The following KCNK2 variants were observed in gnomAD, a reference collection of about 807,000 sequenced individuals.
KCNK2 encodes potassium two pore domain channel subfamily K member 2.
In KCNK2, 21 loss-of-function variants were observed where a neutral mutation model predicts 40.5. That is an observed-to-expected ratio of 0.52 (90% CI 0.37 to 0.75). The LOEUF is 0.75. KCNK2 is among the 30% of genes least tolerant of loss of function. The pLI is 0.00. For synonymous variants in KCNK2, 191 were observed against 202.2 expected, an observed-to-expected ratio of 0.94 and a Z score of 0.47; for missense variants, 399 against 531.6, an observed-to-expected ratio of 0.75 and a Z score of 2.45.
intron 3 of KCNK2, among the ~76,000 whole-genome samples, chr1:215,160,626 CTT>C (rs1663151735): frequency 2.0e-5 from 3 of 152,134 alleles, no homozygotes; most frequent in Admixed American, 2.0e-4. Flanking sequence ...TCATTCTCTT[CTT>C]TTTTAGCTTG....
At chr1:215,012,374 A>G (rs1656432822) in intron 1 of KCNK2, among the ~76,000 whole-genome samples, 1 of 151,996 alleles carries the variant, frequency 6.6e-6, no homozygotes, top group Non-Finnish European at 1.5e-5. Context: ...GTATAGTGGA[A>G]TCTCACTGTG....
intron 5 of KCNK2, among the ~76,000 whole-genome samples, chr1:215,177,778 A>T (rs1664049726): frequency 1.8e-5 from 2 of 112,616 alleles, no homozygotes; most frequent in African/African-American, 3.3e-5. Flanking sequence ...TGTTTCGGTT[A>T]CTCTACCCTT....
Position 215,007,197 on chromosome 1 carries a change from A to G in KCNK2, c.34+1242A>G, listed in dbSNP as rs1273397645. 7.9e-3 allele frequency among the ~76,000 whole-genome samples: 407 copies of G among 51,612 alleles called. 23 individuals carry two copies. In the South Asian group the frequency reaches 0.13, roughly 17 times the overall value. The allele number at this position is 51,612 out of a possible 152,430, so 33.9% of individuals were successfully genotyped here. ...TGTATGTGTGTGGGTATATATATAT[A>G]TATATATATATATATATATATATAT... On this transcript the variant is annotated intron_variant, in intron 1 of 6. Coordinates refer to the KCNK2 transcript ENST00000391895.
At chr1:215,008,037 C>A (rs933458814) in intron 1 of KCNK2, among the ~76,000 whole-genome samples, 1 of 151,124 alleles carries the variant, frequency 6.6e-6, no homozygotes. Flanking sequence ...CTTTTTCAGG[C>A]TAAAAGCATC....
intron 5 of KCNK2, among the ~76,000 whole-genome samples, chr1:215,191,003 G>C (rs73080072): frequency 1.3e-5 from 2 of 151,288 alleles, no homozygotes; most frequent in Non-Finnish European, 2.9e-5. Context: ...GTCTTCTAGG[G>C]GCCAGGCATG....
At chr1:215,098,865 T>C (rs1221482542) in intron 2 of KCNK2, among the ~76,000 whole-genome samples, 1 of 152,000 alleles carries the variant, frequency 6.6e-6, no homozygotes, top group Non-Finnish European at 1.5e-5. Context: ...ACAGAGCTGT[T>C]TTATTTTTCT....
intron 2 of KCNK2, among the ~76,000 whole-genome samples, chr1:215,118,100 G>C (rs2102572332): frequency 6.6e-6 from 1 of 152,272 alleles, no homozygotes; most frequent in African/African-American, 2.4e-5. Flanking sequence ...GGCTCCACCA[G>C]TGCAGTCTGT....
At chr1:215,081,027 T>A (rs1042880647), upstream of KCNK2, among the ~76,000 whole-genome samples, 1 of 152,156 alleles carries the variant, frequency 6.6e-6, no homozygotes, top group African/African-American at 2.4e-5. Flanking sequence ...AATTCTGCCT[T>A]AAGACTGAAG....
Position 215,083,194 on chromosome 1 carries a change from T to TCCCCCCCCCCCCCCCCCCCCGTC in KCNK2, c.-183_-182insCCCCCCCCCCCGTCCCCCCCCCC. The TCCCCCCCCCCCCCCCCCCCCGTC allele has an allele frequency of 2.0e-6, 1 of 501,814 alleles. No individual in the cohort carries two copies. Among genetic ancestry groups the TCCCCCCCCCCCCCCCCCCCCGTC allele is most frequent in the Non-Finnish European group, 3.3e-6 (1 of 301,554 alleles). 31.1% of individuals were successfully genotyped at this position (501,814 alleles called of 1,614,324 possible). ...CCCGCGATTTCGTTTCTTCTCACGC[T>TCCCCCCCCCCCCCCCCCCCCGTC]CCCCCCCCCGCCCCCTCCCGCGTCC... On this transcript the variant is annotated 5_prime_UTR_variant, in exon 1 of 7. Transcript: ENST00000444842.
At chr1:215,166,959 G>A (rs1054014195) in intron 3 of KCNK2, among the ~76,000 whole-genome samples, 5 of 151,812 alleles carry the variant, frequency 3.3e-5, no homozygotes, top group African/African-American at 1.2e-4. Context: ...CATAAGAACA[G>A]GCTAATGGAA....
chr1:215,174,611 T>C (rs540114964), intron 5 of KCNK2, among the ~76,000 whole-genome samples: 1 of 152,350 alleles, frequency 6.6e-6, no homozygotes, highest in South Asian at 2.1e-4. Flanking sequence ...GAGCATGGAA[T>C]GTTCTTCCAT....
chr1:215,125,717 C>T (rs191573428), intron 3 of KCNK2, among the ~76,000 whole-genome samples: 349 of 144,450 alleles, frequency 2.4e-3, no homozygotes, highest in African/African-American at 8.5e-3. Context: ...TGCACATGTA[C>T]CCTAGAACTT....
intron 2 of KCNK2, among the ~76,000 whole-genome samples, chr1:215,088,575 GA>G (rs10689637): frequency 0.16 from 21,928 of 133,718 alleles, 1,592 homozygotes; most frequent in Middle Eastern, 0.26. Context: ...GACAGGACAG[GA>G]AAAAAAAAAA....
chr1:215,094,110 A>T lies in KCNK2; in HGVS notation c.357+7432A>T, dbSNP rs1473680000. On this transcript the variant is annotated intron_variant, in intron 2 of 6. Transcript: ENST00000444842. Reference sequence around the variant, plus strand: ...TTGTGTAAGCACTCAGGTATATTGGATATTTGACTTCAGTCTTAGAAAGAG... The same window carrying T: ...TTGTGTAAGCACTCAGGTATATTGGTTATTTGACTTCAGTCTTAGAAAGAG... Among the ~76,000 whole-genome samples, 3 of 149,744 alleles carry T rather than the reference A, an allele frequency of 2.0e-5. No individual in the cohort carries two copies. The East Asian group carries it at 5.9e-4, about 29-fold the overall frequency.
chr1:215,221,778 A>G (rs547967346), intron 6 of KCNK2, among the ~76,000 whole-genome samples: 20 of 152,244 alleles, frequency 1.3e-4, no homozygotes, highest in Non-Finnish European at 2.4e-4. Flanking sequence ...TAACTCAATC[A>G]TATAACAGTG....
chr1:215,223,831 G>A (rs1280696758), intron 6 of KCNK2, among the ~76,000 whole-genome samples: 1 of 151,966 alleles, frequency 6.6e-6, no homozygotes, highest in Non-Finnish European at 1.5e-5. Flanking sequence ...TCTATAAAGA[G>A]TATTGCAGGA....
At chr1:215,188,992 T>C (rs1664559792) in intron 5 of KCNK2, among the ~76,000 whole-genome samples, 1 of 152,232 alleles carries the variant, frequency 6.6e-6, no homozygotes, top group Admixed American at 6.5e-5. Flanking sequence ...TAAGACAGAA[T>C]GTATGAAATC....
rs371586961 is a variant in KCNK2 at position 215,083,301 on chromosome 1, A to C, written c.-85A>C. 6.2e-7 allele frequency: 1 copy of C among 1,612,078 alleles called. No homozygotes were observed. The highest frequency in any genetic ancestry group is 1.1e-5 in the South Asian group (1 of 91,034). On this transcript the variant is annotated 5_prime_UTR_variant, in exon 1 of 7. Coordinates refer to ENST00000444842, the MANE Select transcript of KCNK2 (RefSeq NM_001017425.3). ...CTCGGAGCGCGCAGCCCGTCTCTGA[A>C]TAAGAAGTGAGTACAATGGCGTGTT...
At chr1:215,071,899 G>A (rs1375465613) in intron 1 of KCNK2, among the ~76,000 whole-genome samples, 1 of 152,208 alleles carries the variant, frequency 6.6e-6, no homozygotes, top group East Asian at 1.9e-4. Context: ...GCAAGGATTA[G>A]GGTAAGGCAA....
Sources: gnomAD v4.1 joint callset for allele counts (sites outside exome capture counted in the v4.1 genomes callset) on GRCh38, gnomAD v4.1.1 for gene constraint, MANE v1.5 for transcripts, NCBI Gene and HGNC (gene_info 2026-07-23, HGNC 2026-07-21) for gene names.